The following LTBP1 variants were observed in gnomAD, a reference collection of about 807,000 sequenced individuals.
The protein encoded by LTBP1 is latent-transforming growth factor beta-binding protein 1.
A neutral mutation model predicts 207.6 loss-of-function variants in LTBP1; 129 were observed. The ratio of observed to expected loss-of-function variants is 0.62; its 90% CI spans 0.54 to 0.72. The LOEUF is 0.72. Among genes scored for constraint, LTBP1 ranks in the 30% least tolerant of loss-of-function variants. The pLI is 0.00. For missense variants in LTBP1, 2,281 were observed against 2,217.2 expected (o/e 1.03, Z -0.58); for synonymous variants, 963 against 833.7 (o/e 1.16, Z -2.67).
intron 26 of LTBP1, among the ~76,000 whole-genome samples, chr2:33,355,164 C>T (rs1000390043): frequency 2.0e-5 from 3 of 152,032 alleles, no homozygotes; most frequent in Non-Finnish European, 4.4e-5. Flanking sequence ...GCCCGAGTGT[C>T]AGGAATGTTA....
chr2:33,375,413 C>T lies in LTBP1; in HGVS notation c.4711+9910C>T, dbSNP rs182095436. ...AGGGAATTGCACAGACCCGAATACC[C>T]CTGTGTACTTGCAGAGAAGCTCCAC... On this transcript the variant is annotated intron_variant, in intron 31 of 33. Coordinates refer to ENST00000404816, the MANE Select transcript of LTBP1 (RefSeq NM_206943.4). 1.9e-3 allele frequency among the ~76,000 whole-genome samples: 289 copies of T among 152,300 alleles called. 1 individual carries two copies. Among genetic ancestry groups the T allele is most frequent in the African/African-American group, 5.8e-3 (240 of 41,552 alleles).
chr2:33,048,379 C>T (rs2076551237), intron 3 of LTBP1, among the ~76,000 whole-genome samples: 1 of 152,118 alleles, frequency 6.6e-6, no homozygotes, highest in Non-Finnish European at 1.5e-5. Flanking sequence ...AGGAATAATC[C>T]TGTTGTCTTC....
intron 3 of LTBP1, among the ~76,000 whole-genome samples, chr2:33,089,406 CGTGACAT>C (rs1419644420): frequency 6.6e-6 from 1 of 152,116 alleles, no homozygotes; most frequent in Non-Finnish European, 1.5e-5. Flanking sequence ...TTGCCCTCCA[CGTGACAT>C]GTGGCAATGT....
At position 32,947,760 on chromosome 2, in the gene LTBP1, G is replaced by A. The variant is rs147166401; in HGVS notation, c.436G>A (p.Glu146Lys). The A allele has an allele frequency of 0.014, 21,904 of 1,522,556 alleles. 177 individuals are homozygous for A. The highest frequency in any genetic ancestry group is 0.016 in the Non-Finnish European group (18,609 of 1,133,998). 94.3% of individuals were successfully genotyped at this position (1,522,556 alleles called of 1,614,324 possible). A position where few individuals can be genotyped will look rare whatever the true frequency, so the allele number is the denominator to read the frequency against. ...AGTTGTGCGCTCCAAGGTGCCGCAG[G>A]AGACCCAGAGCGGCGGAGGCTCTAG... ...RQVVRSKVPQ[E>K]TQSGGGSRLQ... The change falls in exon 1 of 34, where the codon GAG (glutamate) becomes AAG (lysine). Residue 146 changes from glutamate to lysine, a missense_variant. Coordinates refer to ENST00000404816, the MANE Select transcript of LTBP1 (RefSeq NM_206943.4).
At chr2:33,050,961 G>T (rs936795101) in intron 3 of LTBP1, among the ~76,000 whole-genome samples, 1 of 152,066 alleles carries the variant, frequency 6.6e-6, no homozygotes, top group Admixed American at 6.6e-5. Context: ...CTGACCTTGT[G>T]ATCCACCCAC....
chr2:33,000,924 T>C (rs1685992076), intron 2 of LTBP1, among the ~76,000 whole-genome samples: 1 of 134,414 alleles, frequency 7.4e-6, no homozygotes, highest in African/African-American at 2.6e-5. Context: ...ACAATTGCAT[T>C]TGAAAAGAGG....
intron 3 of LTBP1, among the ~76,000 whole-genome samples, chr2:33,086,624 C>T (rs1450041572): frequency 6.6e-6 from 1 of 152,202 alleles, no homozygotes; most frequent in African/African-American, 2.4e-5. Flanking sequence ...CAGGGTTCAG[C>T]TGTAAGACTT....
At chr2:33,274,026 C>G (rs1396234010) in intron 16 of LTBP1, among the ~76,000 whole-genome samples, 1 of 152,004 alleles carries the variant, frequency 6.6e-6, no homozygotes, top group Admixed American at 6.6e-5. Flanking sequence ...AAATAATTTC[C>G]AAAAGCTTTT....
At chr2:33,321,371 G>C (rs150761870) in intron 24 of LTBP1, among the ~76,000 whole-genome samples, 77 of 152,262 alleles carry the variant, frequency 5.1e-4, no homozygotes, top group African/African-American at 1.7e-3. Flanking sequence ...GCGTTGACGT[G>C]TACTGAAAGT....
At chr2:33,137,543 G>T (rs2082244725) in intron 5 of LTBP1, among the ~76,000 whole-genome samples, 1 of 152,220 alleles carries the variant, frequency 6.6e-6, no homozygotes, top group African/African-American at 2.4e-5. Flanking sequence ...GTGTGGCTGT[G>T]TTACAAAAAC....
intron 5 of LTBP1, among the ~76,000 whole-genome samples, chr2:33,137,566 G>C (rs1471140775): frequency 1.3e-5 from 2 of 152,212 alleles, no homozygotes; most frequent in East Asian, 3.8e-4. Flanking sequence ...TTGTTGGGCT[G>C]AATTTGGCTT....
intron 13 of LTBP1, among the ~76,000 whole-genome samples, chr2:33,261,655 A>C (rs746527411): frequency 6.6e-6 from 1 of 152,218 alleles, no homozygotes; most frequent in Non-Finnish European, 1.5e-5. Flanking sequence ...TGGATGGGAC[A>C]GATTAATGAC....
intron 3 of LTBP1, among the ~76,000 whole-genome samples, chr2:33,049,683 A>T (rs1051914343): frequency 1.3e-5 from 2 of 152,220 alleles, no homozygotes; most frequent in African/African-American, 4.8e-5. Context: ...ATGTTTTGTG[A>T]TGTACATATT....
chr2:33,075,887 CTTCT>C (rs2078053265), intron 3 of LTBP1, among the ~76,000 whole-genome samples: 2 of 150,532 alleles, frequency 1.3e-5, no homozygotes, highest in Non-Finnish European at 3.0e-5. Context: ...TATAAATGTG[CTTCT>C]TTATTTTTCT....
chr2:33,048,499 C>T (rs1291171518), intron 3 of LTBP1, among the ~76,000 whole-genome samples: 2 of 152,192 alleles, frequency 1.3e-5, no homozygotes, highest in African/African-American at 4.8e-5. Context: ...AGTACTCACA[C>T]TCAGAGGAGC....
At chr2:32,959,762 A>G (rs1678797022) in intron 2 of LTBP1, among the ~76,000 whole-genome samples, 1 of 150,908 alleles carries the variant, frequency 6.6e-6, no homozygotes, top group South Asian at 2.1e-4. Context: ...CTGGGATTAC[A>G]GGCATCTGCC....
In LTBP1 at chr2:32,947,733, C is replaced by G. The variant is rs777916597; in HGVS notation, c.409C>G (p.Gln137Glu). The part of the protein sequence containing the change: ...AAAPFTKQGR[Q>E]VVRSKVPQET... ...CGCCCCGTTCACCAAACAAGGCAGG[C>G]AAGTTGTGCGCTCCAAGGTGCCGCA... The change falls in exon 1 of 34, where the codon CAA becomes GAA. Residue 137 changes from glutamine (Q) to glutamate (E), a missense_variant. By Grantham distance (29) the Gln-to-Glu change is conservative. Around this residue, in one of 3 missense-constraint regions of LTBP1, gnomAD observed 555 missense variants for 491.0 expected, o/e 1.13. Coordinates refer to ENST00000404816, the MANE Select transcript of LTBP1 (RefSeq NM_206943.4). 17 of 1,537,370 alleles carry G rather than the reference C, an allele frequency of 1.1e-5. No homozygotes were observed. Among genetic ancestry groups the G allele is most frequent in the Admixed American group, 4.0e-5 (2 of 50,484 alleles).
chr2:33,173,849 A>G (rs1443972102), intron 5 of LTBP1, among the ~76,000 whole-genome samples: 1 of 145,562 alleles, frequency 6.9e-6, no homozygotes, highest in Admixed American at 7.0e-5. Context: ...GGCTGGTTCA[A>G]TATACACAAA....
chr2:32,969,819 C>T (rs145596869), intron 2 of LTBP1, among the ~76,000 whole-genome samples: 1 of 152,156 alleles, frequency 6.6e-6, no homozygotes, highest in Non-Finnish European at 1.5e-5. Flanking sequence ...AAAGGTAGCT[C>T]TGTTTTAAGT....
Sources: allele counts gnomAD v4.1 joint callset (sites outside exome capture counted in the v4.1 genomes callset), GRCh38; gene constraint gnomAD v4.1.1; regional missense constraint gnomAD v4.1.1; transcripts MANE v1.5; gene names NCBI Gene and HGNC (gene_info 2026-07-23, HGNC 2026-07-21).